The following HS6ST3 variants were observed in gnomAD, a reference collection of about 807,000 sequenced individuals.
HS6ST3 encodes heparan-sulfate 6-O-sulfotransferase 3.
HS6ST3 carries 12 observed loss-of-function variants against 36.7 expected under a neutral mutation model. That is an observed-to-expected ratio of 0.33 (90% confidence interval 0.21 to 0.53). The LOEUF (loss-of-function observed/expected upper bound fraction) is 0.53, where lower values mean the gene tolerates loss of function less well. Among genes scored for constraint, HS6ST3 ranks in the 20% least tolerant of loss-of-function variants. The probability of loss-of-function intolerance (pLI) is 0.95; values close to 1 mark genes in which losing one functional copy is unlikely to be tolerated. For missense variants in HS6ST3, 584 were observed against 640.9 expected (o/e 0.91, Z 0.96); for synonymous variants, 240 against 257.5 (o/e 0.93, Z 0.65).
At chr13:96,773,906 A>G (rs375708848) in intron 1 of HS6ST3, among the ~76,000 whole-genome samples, 1 of 152,182 alleles carries the variant, frequency 6.6e-6, no homozygotes, top group Admixed American at 6.5e-5. Flanking sequence ...GCAGGGGTTG[A>G]CAGACACCTC....
chr13:96,441,450 A>G (rs1399057023), intron 1 of HS6ST3, among the ~76,000 whole-genome samples: 1 of 152,154 alleles, frequency 6.6e-6, no homozygotes, highest in Non-Finnish European at 1.5e-5. Flanking sequence ...CCTTTTGACA[A>G]GCCTCACCCA....
At chr13:96,551,725 T>C (rs1485427601) in intron 1 of HS6ST3, among the ~76,000 whole-genome samples, 3 of 152,164 alleles carry the variant, frequency 2.0e-5, no homozygotes, top group Non-Finnish European at 4.4e-5. Flanking sequence ...ATGCAAAGTT[T>C]GCACAGAGCC....
intron 1 of HS6ST3, among the ~76,000 whole-genome samples, chr13:96,118,779 C>T (rs2053910969): frequency 7.4e-6 from 1 of 134,244 alleles, no homozygotes; most frequent in Non-Finnish European, 1.6e-5. Flanking sequence ...GGCGCAATCT[C>T]GGCTCACTGC....
chr13:96,510,275 A>G (rs943077286), intron 1 of HS6ST3, among the ~76,000 whole-genome samples: 11 of 152,078 alleles, frequency 7.2e-5, no homozygotes, highest in Admixed American at 7.2e-4. Flanking sequence ...TATCAAACCT[A>G]GGAGTCTTTA....
At chr13:96,584,283 A>G (rs554247484) in intron 1 of HS6ST3, among the ~76,000 whole-genome samples, 1 of 152,194 alleles carries the variant, frequency 6.6e-6, no homozygotes, top group Non-Finnish European at 1.5e-5. Context: ...AGCTGGGATT[A>G]CAGTCATGTG....
intron 1 of HS6ST3, among the ~76,000 whole-genome samples, chr13:96,701,684 G>A (rs963964644): frequency 5.3e-5 from 8 of 152,096 alleles, no homozygotes; most frequent in Non-Finnish European, 8.8e-5. Flanking sequence ...GAACAACCAG[G>A]CACGGTGTCT....
chr13:96,609,342 G>GCAC (rs1383671312), intron 1 of HS6ST3, among the ~76,000 whole-genome samples: 1 of 152,050 alleles, frequency 6.6e-6, no homozygotes, highest in African/African-American at 2.4e-5. Flanking sequence ...TTACTAGACA[G>GCAC]CACCAAATTA....
intron 1 of HS6ST3, among the ~76,000 whole-genome samples, chr13:96,405,708 A>G (rs536600289): frequency 6.6e-6 from 1 of 152,346 alleles, no homozygotes; most frequent in African/African-American, 2.4e-5. Flanking sequence ...CAGAGCAAGA[A>G]TCTTTGGAAT....
At chr13:96,606,508 T>A (rs949955834) in intron 1 of HS6ST3, among the ~76,000 whole-genome samples, 36 of 151,406 alleles carry the variant, frequency 2.4e-4, no homozygotes, top group African/African-American at 8.7e-4. Context: ...CACTTACAAG[T>A]GAAAACTAAA....
chr13:96,791,565 A>C (rs1877794922), intron 1 of HS6ST3, among the ~76,000 whole-genome samples: 1 of 152,056 alleles, frequency 6.6e-6, no homozygotes, highest in Non-Finnish European at 1.5e-5. Flanking sequence ...AGGCTATAAA[A>C]AGTAATGTGT....
chr13:96,301,031 G>A (rs1208416088), intron 1 of HS6ST3, among the ~76,000 whole-genome samples: 2 of 152,188 alleles, frequency 1.3e-5, no homozygotes, highest in African/African-American at 4.8e-5. Context: ...AACAATGTCT[G>A]ACTGACAGAG....
At chr13:96,698,286 G>A (rs949776083) in intron 1 of HS6ST3, among the ~76,000 whole-genome samples, 1 of 152,076 alleles carries the variant, frequency 6.6e-6, no homozygotes, top group Admixed American at 6.6e-5. Context: ...ACGAGTGAGA[G>A]CATGTGGTGT....
At chr13:96,298,733 C>T (rs751114802) in intron 1 of HS6ST3, among the ~76,000 whole-genome samples, 13 of 152,156 alleles carry the variant, frequency 8.5e-5, no homozygotes, top group Admixed American at 1.3e-4. Context: ...ATGAGGTTAT[C>T]GTGTTTGACC....
intron 1 of HS6ST3, among the ~76,000 whole-genome samples, chr13:96,148,240 G>C: frequency 6.6e-6 from 1 of 152,254 alleles, no homozygotes; most frequent in East Asian, 1.9e-4. Flanking sequence ...GTTACACAGC[G>C]TTTTGCTTAA....
At chr13:96,549,426 T>C (rs2056210452) in intron 1 of HS6ST3, among the ~76,000 whole-genome samples, 1 of 152,184 alleles carries the variant, frequency 6.6e-6, no homozygotes, top group Admixed American at 6.6e-5. Context: ...AACAGTAGAT[T>C]GGAATATTAA....
intron 1 of HS6ST3, among the ~76,000 whole-genome samples, chr13:96,358,029 G>A (rs1287073406): frequency 6.6e-6 from 1 of 152,110 alleles, no homozygotes. Flanking sequence ...TCAAAGCAGG[G>A]TTGCCACACA....
intron 1 of HS6ST3, among the ~76,000 whole-genome samples, chr13:96,211,944 C>T (rs1290613971): frequency 6.6e-6 from 1 of 152,162 alleles, no homozygotes; most frequent in Non-Finnish European, 1.5e-5. Context: ...AAAGGATAGG[C>T]AATTTTCTTG....
At chr13:96,516,411 A>C (rs2056073071) in intron 1 of HS6ST3, among the ~76,000 whole-genome samples, 1 of 151,934 alleles carries the variant, frequency 6.6e-6, no homozygotes. Context: ...CTTAACTTAT[A>C]CCTCTCATCT....
intron 1 of HS6ST3, among the ~76,000 whole-genome samples, chr13:96,265,979 T>C (rs1162761890): frequency 1.3e-5 from 2 of 152,150 alleles, no homozygotes; most frequent in African/African-American, 4.8e-5. Context: ...TAGAGTTAAG[T>C]AGAATTCTGG....
Sources: gnomAD v4.1 joint callset for allele counts (sites outside exome capture counted in the v4.1 genomes callset) on GRCh38, gnomAD v4.1.1 for gene constraint, MANE v1.5 for transcripts, NCBI Gene and HGNC (gene_info 2026-07-23, HGNC 2026-07-21) for gene names.